Variants in ADD3 observed in about 807,000 individuals in gnomAD.
ADD3 encodes the protein gamma-adducin.
A neutral mutation model predicts 80.2 loss-of-function variants in ADD3; 25 were observed. That is an observed-to-expected ratio of 0.31 (90% confidence interval 0.23 to 0.44). The LOEUF (loss-of-function observed/expected upper bound fraction) is 0.44. Ranked by LOEUF, ADD3 falls within the 20% of genes least tolerant of loss-of-function variation. The pLI, the probability that ADD3 is intolerant of heterozygous loss-of-function variation, is 1.00. For synonymous variants in ADD3, 284 were observed against 289.6 expected, an observed-to-expected ratio of 0.98 and a Z score of 0.20; for missense variants, 829 against 847.5, an observed-to-expected ratio of 0.98 and a Z score of 0.27.
chr10:110,030,958 G>T (rs980754217), intron 1 of ADD3, among the ~76,000 whole-genome samples: 4 of 151,454 alleles, frequency 2.6e-5, no homozygotes, highest in African/African-American at 9.7e-5. Flanking sequence ...CTCCTGACCA[G>T]CTTCTTGAAA....
At chr10:110,052,904 A>G (rs1857687802) in intron 1 of ADD3, among the ~76,000 whole-genome samples, 1 of 152,194 alleles carries the variant, frequency 6.6e-6, no homozygotes, top group Non-Finnish European at 1.5e-5. Flanking sequence ...AATGGAGTGC[A>G]GGAACAACCA....
intron 13 of ADD3, among the ~76,000 whole-genome samples, chr10:110,131,834 G>C (rs967777729): frequency 3.3e-5 from 5 of 152,138 alleles, no homozygotes; most frequent in Non-Finnish European, 5.9e-5. Flanking sequence ...TAACTTTATA[G>C]TAGTTTCTTC....
chr10:110,087,634 T>C (rs1363046089), intron 1 of ADD3, among the ~76,000 whole-genome samples: 2 of 152,244 alleles, frequency 1.3e-5, no homozygotes, highest in African/African-American at 2.4e-5. Flanking sequence ...ATTGTACTTA[T>C]GTATATCAGA....
At chr10:110,113,307 G>A (rs532516575) in intron 3 of ADD3, among the ~76,000 whole-genome samples, 5 of 152,172 alleles carry the variant, frequency 3.3e-5, no homozygotes, top group African/African-American at 4.8e-5. Context: ...TTGCTCTGTC[G>A]CCGAGGCTGG....
At chr10:110,006,852 A>T (rs751340905), upstream of ADD3, among the ~76,000 whole-genome samples, 3 of 151,396 alleles carry the variant, frequency 2.0e-5, no homozygotes, top group Non-Finnish European at 2.9e-5. Flanking sequence ...TGCCTTGGAA[A>T]CGAAGGGGGA....
At chr10:110,085,540 A>T (rs1356378818) in intron 1 of ADD3, among the ~76,000 whole-genome samples, 1 of 152,136 alleles carries the variant, frequency 6.6e-6, no homozygotes. Flanking sequence ...ATTTTTGGCA[A>T]AGGGTGGTAA....
intron 14 of ADD3, 34 bp downstream of exon 14, chr10:110,132,434 G>A: frequency 7.1e-7 from 1 of 1,416,530 alleles, no homozygotes; most frequent in Non-Finnish European, 1.0e-6. Context: ...AGCATTCACT[G>A]AGTTAGTCTT....
At chr10:110,112,691 A>C in intron 2 of ADD3, 86 bp from the exon 3 acceptor site, 1 of 1,450,518 alleles carries the variant, frequency 6.9e-7, no homozygotes, top group Non-Finnish European at 9.3e-7. Flanking sequence ...CAGAAAAGGG[A>C]TGGGGTAAAG....
chr10:110,104,287 G>C (rs1849173986), intron 2 of ADD3, among the ~76,000 whole-genome samples: 1 of 152,174 alleles, frequency 6.6e-6, no homozygotes, highest in Admixed American at 6.5e-5. Context: ...TATTTACCAG[G>C]ACTGAACCTC....
At chr10:110,005,974 AGCTGCTGCTGCTAAT>A, upstream of ADD3, 2 of 241,068 alleles carry the variant, frequency 8.3e-6, no homozygotes, top group South Asian at 4.6e-5. Context: ...CATTGAGAGA[AGCTGCTGCTGCTAAT>A]GCTGCTGCTG....
At chr10:109,999,047 G>A (rs1280614317) in intron 1 of ADD3, among the ~76,000 whole-genome samples, 4 of 152,112 alleles carry the variant, frequency 2.6e-5, no homozygotes, top group Non-Finnish European at 5.9e-5. Flanking sequence ...CATAGCAGGA[G>A]TTCAACAAAT....
At chr10:110,126,531 GT>G in intron 12 of ADD3, 28 bp downstream of exon 12, 1 of 1,476,790 alleles carries the variant, frequency 6.8e-7, no homozygotes, top group Middle Eastern at 1.8e-4. Flanking sequence ...TATGATCTTT[GT>G]TTTTTATTTA....
intron 7 of ADD3, 41 bp from the exon 8 acceptor site, chr10:110,119,425 G>A (rs1165923265): frequency 6.2e-7 from 1 of 1,613,428 alleles, no homozygotes; most frequent in East Asian, 2.2e-5. Context: ...TGTGAGCTAT[G>A]CCAGTTATTT....
chr10:110,098,565 G>T (rs1301394437), intron 1 of ADD3, among the ~76,000 whole-genome samples: 1 of 152,070 alleles, frequency 6.6e-6, no homozygotes, highest in Admixed American at 6.6e-5. Context: ...TTTTATCTGT[G>T]ACTGGCTAAA....
chr10:110,114,692 G>A (rs1279932687), intron 3 of ADD3, among the ~76,000 whole-genome samples: 1 of 152,194 alleles, frequency 6.6e-6, no homozygotes, highest in Non-Finnish European at 1.5e-5. Context: ...AAAGTAAGGA[G>A]AAGAGAGAAG....
chr10:110,029,180 A>G (rs1854687912), intron 1 of ADD3, among the ~76,000 whole-genome samples: 2 of 152,258 alleles, frequency 1.3e-5, no homozygotes, highest in African/African-American at 4.8e-5. Flanking sequence ...TGCCTGGCTC[A>G]CTTTCCATTT....
At chr10:110,111,676 A>G (rs1256795428) in intron 2 of ADD3, among the ~76,000 whole-genome samples, 1 of 152,094 alleles carries the variant, frequency 6.6e-6, no homozygotes, top group Non-Finnish European at 1.5e-5. Flanking sequence ...AGCACTTCGG[A>G]AGGCAGAGGT....
At chr10:110,003,669 A>T (rs1851533074), upstream of ADD3, among the ~76,000 whole-genome samples, 1 of 152,192 alleles carries the variant, frequency 6.6e-6, no homozygotes, top group Non-Finnish European at 1.5e-5. Flanking sequence ...CTAGAACTGG[A>T]ACACCAGAAC....
At chr10:110,101,488 A>G (rs1848804180) in intron 2 of ADD3, among the ~76,000 whole-genome samples, 1 of 152,038 alleles carries the variant, frequency 6.6e-6, no homozygotes, top group Non-Finnish European at 1.5e-5. Context: ...TTTAAAAATT[A>G]ACTGGGTGTG....
Sources: gnomAD v4.1 joint callset for allele counts (sites outside exome capture counted in the v4.1 genomes callset) on GRCh38, gnomAD v4.1.1 for gene constraint, MANE v1.5 for transcripts, NCBI Gene and HGNC (gene_info 2026-07-23, HGNC 2026-07-21) for gene names.